PTPRR: variants seen among roughly 807,000 people sequenced by gnomAD.
PTPRR encodes protein tyrosine phosphatase receptor type R.
A neutral mutation model predicts 77.2 loss-of-function variants in PTPRR; 38 were observed. The observed-to-expected ratio is 0.49, with a 90% CI of 0.38 to 0.65. The LOEUF (loss-of-function observed/expected upper bound fraction) is 0.65. Among genes scored for constraint, PTPRR ranks in the 30% least tolerant of loss-of-function variants. PTPRR has a pLI of 0.00. For missense variants in PTPRR, 744 were observed against 799.2 expected (o/e 0.93, Z 0.83); for synonymous variants, 299 against 283.1 (o/e 1.06, Z -0.57).
intron 2 of PTPRR, among the ~76,000 whole-genome samples, chr12:70,801,402 T>C (rs1176549366): frequency 6.6e-6 from 1 of 152,174 alleles, no homozygotes; most frequent in Non-Finnish European, 1.5e-5. Flanking sequence ...TGCCTCCCCA[T>C]TGTGGGTTGG....
chr12:70,867,223 T>C (rs1892868971), intron 2 of PTPRR, among the ~76,000 whole-genome samples: 2 of 152,172 alleles, frequency 1.3e-5, no homozygotes, highest in Admixed American at 6.5e-5. Context: ...TAAAGGGTAT[T>C]CAATCAGGAA....
At chr12:70,822,184 T>C (rs1228831636) in intron 2 of PTPRR, among the ~76,000 whole-genome samples, 1 of 152,208 alleles carries the variant, frequency 6.6e-6, no homozygotes, top group Non-Finnish European at 1.5e-5. Context: ...TATGACACTT[T>C]AACCTAACAT....
chr12:70,739,820 G>T (rs1349088027), intron 6 of PTPRR, among the ~76,000 whole-genome samples: 1 of 152,148 alleles, frequency 6.6e-6, no homozygotes. Context: ...AGATCGGTAG[G>T]CTGAGGGAAG....
In PTPRR at chr12:70,761,631, TA is replaced by T. The variant is rs1890693866; in HGVS notation, c.472-6del. On this transcript the variant is annotated splice_region_variant and splice_polypyrimidine_tract_variant and intron_variant, in intron 3 of 13. Coordinates refer to ENST00000283228, the MANE Select transcript of PTPRR (RefSeq NM_002849.4). ...TTCAATACTGTTCTTCTTTCCCTAA[TA>T]AAAGCAGAATATTTGTATTTGTTAT... The T allele has an allele frequency of 6.5e-7, 1 of 1,547,974 alleles. No individual in the cohort carries two copies. The highest frequency in any genetic ancestry group is 1.2e-5 in the South Asian group (1 of 80,514).
intron 2 of PTPRR, among the ~76,000 whole-genome samples, chr12:70,812,228 T>A (rs1763799045): frequency 6.6e-6 from 1 of 152,160 alleles, no homozygotes. Context: ...CTGTTGTAAA[T>A]GGCAATATAA....
rs753337673 is a variant in PTPRR, at chr12:70,892,957, C to G, written c.79G>C (p.Asp27His). ...HAAGCFSGNN[D>H]HFLAINQKKS... ...TTCTGATTAATTGCCAAAAAATGATCATTGTTTCCTGAAAAGCACCCTGAA... is the reference window on the plus strand; with the variant it reads ...TTCTGATTAATTGCCAAAAAATGATGATTGTTTCCTGAAAAGCACCCTGAA... Residue 27 changes from aspartate to histidine, a missense_variant, in exon 2 of 14, where the codon GAT becomes CAT. Coordinates refer to ENST00000283228, the MANE Select transcript of PTPRR (RefSeq NM_002849.4). The G allele has an allele frequency of 3.1e-6, 5 of 1,612,494 alleles. No individual in the cohort carries two copies. The African/African-American group carries it at 6.7e-5, about 22-fold the overall frequency.
chr12:70,719,753 T>C (rs1333390810), intron 6 of PTPRR, among the ~76,000 whole-genome samples: 1 of 152,170 alleles, frequency 6.6e-6, no homozygotes, highest in Non-Finnish European at 1.5e-5. Context: ...TGACTGCGCG[T>C]CTTCTCTGGA....
intron 6 of PTPRR, among the ~76,000 whole-genome samples, chr12:70,744,131 G>C (rs573739480): frequency 6.6e-6 from 1 of 152,232 alleles, no homozygotes; most frequent in Non-Finnish European, 1.5e-5. Context: ...TGGATGACCA[G>C]AGTAAAAGAA....
chr12:70,640,442 T>C (rs1483796830), intron 13 of PTPRR, among the ~76,000 whole-genome samples: 2 of 152,164 alleles, frequency 1.3e-5, no homozygotes, highest in Admixed American at 1.3e-4. Flanking sequence ...AGTGATGGAA[T>C]CACAGGCTTG....
intron 1 of PTPRR, among the ~76,000 whole-genome samples, chr12:70,896,441 T>C (rs1481214088): frequency 6.6e-6 from 1 of 151,642 alleles, no homozygotes; most frequent in African/African-American, 2.4e-5. Context: ...TCTTTTCACG[T>C]TCTTATGGGG....
intron 2 of PTPRR, 135 bp from the exon 3 acceptor site, chr12:70,764,913 C>A: frequency 3.1e-6 from 2 of 639,918 alleles, no homozygotes; most frequent in Non-Finnish European, 2.7e-6. Context: ...TTCTGTGACT[C>A]TGCTAAGTTT....
chr12:70,672,857 T>G (rs1313437719), intron 10 of PTPRR: 1 of 1,558,828 alleles, frequency 6.4e-7, no homozygotes, highest in Non-Finnish European at 8.7e-7. Flanking sequence ...AGCAAGGTGG[T>G]GTGATGGCTC....
At chr12:70,851,323 G>A (rs970476936) in intron 2 of PTPRR, among the ~76,000 whole-genome samples, 1 of 152,112 alleles carries the variant, frequency 6.6e-6, no homozygotes, top group Admixed American at 6.6e-5. Context: ...ATATTCCAAT[G>A]TCTTCACAGA....
chr12:70,800,618 G>C (rs951664750), intron 2 of PTPRR, among the ~76,000 whole-genome samples: 1 of 152,084 alleles, frequency 6.6e-6, no homozygotes, highest in African/African-American at 2.4e-5. Flanking sequence ...AATGAGGCCA[G>C]GCATGGTGGC....
At chr12:70,737,802 C>T (rs1209799346) in intron 6 of PTPRR, among the ~76,000 whole-genome samples, 2 of 152,154 alleles carry the variant, frequency 1.3e-5, no homozygotes, top group Admixed American at 6.5e-5. Flanking sequence ...GGATTACAGG[C>T]GTGAGCCACC....
chr12:70,765,401 C>T (rs1229325768), intron 2 of PTPRR, among the ~76,000 whole-genome samples: 4 of 152,168 alleles, frequency 2.6e-5, no homozygotes, highest in Non-Finnish European at 5.9e-5. Context: ...TGGAGTCTTG[C>T]TGATTGCTAG....
chr12:70,706,187 G>A (rs2136797905), intron 6 of PTPRR, among the ~76,000 whole-genome samples: 1 of 152,152 alleles, frequency 6.6e-6, no homozygotes, highest in South Asian at 2.1e-4. Flanking sequence ...GAGGTTAATG[G>A]CATTTAATAA....
chr12:70,795,488 T>C (rs1891495428), intron 2 of PTPRR, among the ~76,000 whole-genome samples: 1 of 152,208 alleles, frequency 6.6e-6, no homozygotes, highest in South Asian at 2.1e-4. Context: ...AATTCACTGT[T>C]TGTTATTAAC....
chr12:70,784,522 G>C (rs1356678418), intron 2 of PTPRR, among the ~76,000 whole-genome samples: 2 of 152,152 alleles, frequency 1.3e-5, no homozygotes, highest in African/African-American at 4.8e-5. Context: ...ACCTAGCCCC[G>C]CTCCAATGGG....
Sources: gnomAD v4.1 joint callset for allele counts (sites outside exome capture counted in the v4.1 genomes callset) on GRCh38, gnomAD v4.1.1 for gene constraint, MANE v1.5 for transcripts, NCBI Gene and HGNC (gene_info 2026-07-23, HGNC 2026-07-21) for gene names.